The following ENOX1 variants were observed in gnomAD, a reference collection of about 807,000 sequenced individuals.
The protein encoded by ENOX1 is candidate growth-related and time keeping constitutive hydroquinone (NADH) oxidase.
ENOX1 carries 42 observed loss-of-function variants against 82.5 expected under a neutral mutation model. That is an observed-to-expected ratio of 0.51 (90% CI 0.40 to 0.66). The LOEUF is 0.66. ENOX1 is among the 30% of genes least tolerant of loss of function. ENOX1 has a pLI of 0.00. For synonymous variants in ENOX1, 271 were observed against 282.2 expected (o/e 0.96, Z 0.40); for missense variants, 608 against 811.6 (o/e 0.75, Z 3.05).
At chr13:43,474,884 G>A (rs2058215133) in intron 3 of ENOX1, among the ~76,000 whole-genome samples, 1 of 151,936 alleles carries the variant, frequency 6.6e-6, no homozygotes, top group South Asian at 2.1e-4. Context: ...CATGTTTCTC[G>A]GTAGCTTGAC....
rs144645285 is a variant in ENOX1, at chr13:43,433,646, A to G, written c.-74-20658T>C. Among the ~76,000 whole-genome samples, 455 of 152,352 alleles carry G rather than the reference A, an allele frequency of 3.0e-3. 3 individuals carry two copies. The highest frequency in any genetic ancestry group is 0.011 in the African/African-American group (440 of 41,578). ...TAAATTATAGTTAGCTCTAAATGTA[A>G]TAAGAACACATTTCTATGACGTGAT... On this transcript the variant is annotated intron_variant, in intron 3 of 16. Transcript: ENST00000690772.
rs187669201 is a variant in ENOX1 at position 43,668,758 on chromosome 13, A to G, written c.-284-1214T>C. 1.1e-4 allele frequency among the ~76,000 whole-genome samples: 16 copies of G among 152,282 alleles called. No homozygotes were observed. In the East Asian group the frequency reaches 3.1e-3, roughly 29 times the overall value. On this transcript the variant is annotated intron_variant, in intron 1 of 16. Coordinates refer to ENST00000690772, the MANE Select transcript of ENOX1 (RefSeq NM_001347969.2). Reference sequence around the variant, plus strand: ...GGGAAGGTACTGGTACACACTTAGAAAGTACCTGACCCAGGTGGGAAACAC... The same window carrying G: ...GGGAAGGTACTGGTACACACTTAGAGAGTACCTGACCCAGGTGGGAAACAC...
intron 2 of ENOX1, among the ~76,000 whole-genome samples, chr13:43,613,195 T>G (rs2082272402): frequency 6.6e-6 from 1 of 152,156 alleles, no homozygotes; most frequent in African/African-American, 2.4e-5. Context: ...TACTAGTCCA[T>G]CTTCAAAAGT....
chr13:43,349,468 T>C (rs2049621439), intron 8 of ENOX1, among the ~76,000 whole-genome samples: 1 of 152,252 alleles, frequency 6.6e-6, no homozygotes, highest in South Asian at 2.1e-4. Context: ...TCTCATTTCA[T>C]TTCTGGTTAT....
At chr13:43,715,324 C>T (rs1243334180) in intron 1 of ENOX1, among the ~76,000 whole-genome samples, 13 of 152,104 alleles carry the variant, frequency 8.5e-5, no homozygotes, top group Non-Finnish European at 1.8e-4. Flanking sequence ...CCCGACCTTT[C>T]TCTCTGGCTG....
At chr13:43,668,445 A>G (rs2085092799) in intron 1 of ENOX1, among the ~76,000 whole-genome samples, 1 of 152,210 alleles carries the variant, frequency 6.6e-6, no homozygotes, top group Non-Finnish European at 1.5e-5. Context: ...GGAAACAAAT[A>G]TTCTACTAAA....
chr13:43,605,805 T>G (rs1293301274), intron 2 of ENOX1, among the ~76,000 whole-genome samples: 1 of 151,966 alleles, frequency 6.6e-6, no homozygotes, highest in Non-Finnish European at 1.5e-5. Flanking sequence ...AATGAAGAAA[T>G]AGGATCACAT....
chr13:43,516,641 C>T (rs2077571579), intron 2 of ENOX1, among the ~76,000 whole-genome samples: 1 of 152,090 alleles, frequency 6.6e-6, no homozygotes, highest in African/African-American at 2.4e-5. Context: ...AGCTGCAGTA[C>T]TTTGGTTCTT....
chr13:43,481,339 A>G (rs755449976), intron 3 of ENOX1, among the ~76,000 whole-genome samples: 1 of 152,106 alleles, frequency 6.6e-6, no homozygotes, highest in African/African-American at 2.4e-5. Flanking sequence ...GAGGATAGAG[A>G]GTCCAGAAAT....
At chr13:43,401,070 G>C (rs2053468010) in intron 5 of ENOX1, among the ~76,000 whole-genome samples, 1 of 132,910 alleles carries the variant, frequency 7.5e-6, no homozygotes, top group Non-Finnish European at 1.5e-5. Context: ...ATTCAATGAT[G>C]CAAGATATTA....
At chr13:43,731,939 A>G (rs1180413293) in intron 1 of ENOX1, among the ~76,000 whole-genome samples, 1 of 152,274 alleles carries the variant, frequency 6.6e-6, no homozygotes, top group African/African-American at 2.4e-5. Context: ...AACAAGCAAT[A>G]TAAGTCGCAC....
At chr13:43,223,973 T>G in intron 16 of ENOX1, 80 bp downstream of exon 16, 1 of 1,071,544 alleles carries the variant, frequency 9.3e-7, no homozygotes, top group South Asian at 1.3e-5. Context: ...CCTAGTTCAG[T>G]TCATGCAGAG....
At chr13:43,493,098 T>C (rs1322295163) in intron 2 of ENOX1, among the ~76,000 whole-genome samples, 3 of 152,142 alleles carry the variant, frequency 2.0e-5, no homozygotes, top group Non-Finnish European at 4.4e-5. Flanking sequence ...TGTCTATAAC[T>C]ACATGAGCTA....
intron 3 of ENOX1, among the ~76,000 whole-genome samples, chr13:43,466,002 C>T (rs17636931): frequency 0.029 from 4,401 of 152,236 alleles, 82 homozygotes; most frequent in Middle Eastern, 0.048. Flanking sequence ...TTCATCAAAT[C>T]ATTTCATGTT....
chr13:43,511,962 T>TTA (rs1024469403), intron 2 of ENOX1, among the ~76,000 whole-genome samples: 21 of 151,978 alleles, frequency 1.4e-4, no homozygotes, highest in African/African-American at 1.9e-4. Flanking sequence ...CCTATGGATA[T>TTA]TATATATATA....
chr13:43,585,043 G>A (rs188134827), intron 2 of ENOX1, among the ~76,000 whole-genome samples: 24 of 152,322 alleles, frequency 1.6e-4, no homozygotes, highest in African/African-American at 5.8e-4. Context: ...AGGCAAAAAG[G>A]ATTATGCAGA....
chr13:43,367,019 A>T (rs2050893934), intron 5 of ENOX1, among the ~76,000 whole-genome samples: 1 of 152,224 alleles, frequency 6.6e-6, no homozygotes, highest in Non-Finnish European at 1.5e-5. Context: ...CATAATGATG[A>T]TTACAAAGTC....
At chr13:43,434,932 GT>G (rs2055901377) in intron 3 of ENOX1, among the ~76,000 whole-genome samples, 1 of 115,066 alleles carries the variant, frequency 8.7e-6, no homozygotes, top group Non-Finnish European at 1.7e-5. Flanking sequence ...TATTGTGTGT[GT>G]GTGGTTTTTT....
intron 1 of ENOX1, among the ~76,000 whole-genome samples, chr13:43,740,549 G>A (rs765002981): frequency 1.1e-4 from 16 of 151,724 alleles, no homozygotes; most frequent in Non-Finnish European, 2.1e-4. Flanking sequence ...ATGTCTCGTG[G>A]GGTTTTTTGT....
Sources: gnomAD v4.1 joint callset for allele counts (sites outside exome capture counted in the v4.1 genomes callset) on GRCh38, gnomAD v4.1.1 for gene constraint, MANE v1.5 for transcripts, NCBI Gene and HGNC (gene_info 2026-07-23, HGNC 2026-07-21) for gene names.